PFKL: variants seen among roughly 807,000 people sequenced by gnomAD.
PFKL encodes the protein phosphofructokinase, liver type, also known as ATP-dependent 6-phosphofructokinase, liver type.
PFKL carries 74 observed loss-of-function variants against 92.1 expected under a neutral mutation model. The ratio of observed to expected loss-of-function variants is 0.80; its 90% CI spans 0.67 to 0.97. The LOEUF (loss-of-function observed/expected upper bound fraction) is 0.97. Among genes scored for constraint, PFKL ranks in the 50% least tolerant of loss-of-function variants. The probability of loss-of-function intolerance (pLI) is 0.00; values close to 1 mark genes in which losing one functional copy is unlikely to be tolerated. For synonymous variants in PFKL, 494 were observed against 456.4 expected, an observed-to-expected ratio of 1.08 and a Z score of -1.05; for missense variants, 1,028 against 1,116.6, an observed-to-expected ratio of 0.92 and a Z score of 1.13.
At chr21:44,316,396 T>C in intron 8 of PFKL, 36 bp from the exon 9 acceptor site, 1 of 1,611,888 alleles carries the variant, frequency 6.2e-7, no homozygotes, top group South Asian at 1.1e-5. Flanking sequence ...CCGTGTGGGC[T>C]GGGGCTCAGG....
At chr21:44,309,016 C>G (rs992936406) in intron 2 of PFKL, among the ~76,000 whole-genome samples, 2 of 152,120 alleles carry the variant, frequency 1.3e-5, no homozygotes, top group Non-Finnish European at 2.9e-5. Context: ...CTGTTCCTTT[C>G]TCCAGCAGCT....
chr21:44,303,115 T>C (rs1353687108), intron 1 of PFKL, among the ~76,000 whole-genome samples: 2 of 151,948 alleles, frequency 1.3e-5, no homozygotes, highest in Non-Finnish European at 2.9e-5. Context: ...GCATCTGTAA[T>C]CCCAGCTACT....
rs759200137 is a variant in PFKL, at chr21:44,318,464, C to A, written c.937-6C>A. On this transcript the variant is annotated splice_region_variant and splice_polypyrimidine_tract_variant and intron_variant, in intron 9 of 21. Coordinates refer to ENST00000349048, the MANE Select transcript of PFKL (RefSeq NM_002626.6). ...TGGGTGTGCCAGCCTGAACCCTTCCCCACAGAGCAGCAAGATGGGCATGGA... is the reference window on the plus strand; with the variant it reads ...TGGGTGTGCCAGCCTGAACCCTTCCACACAGAGCAGCAAGATGGGCATGGA... 2 of 1,529,090 alleles carry A rather than the reference C, an allele frequency of 1.3e-6. No individual in the cohort carries two copies. The highest frequency in any genetic ancestry group is 2.8e-5 in the African/African-American group (2 of 72,210). 94.7% of individuals were successfully genotyped at this position (1,529,090 alleles called of 1,614,324 possible).
chr21:44,303,525 G>A (rs1189915721), intron 1 of PFKL, among the ~76,000 whole-genome samples: 2 of 149,422 alleles, frequency 1.3e-5, no homozygotes, highest in African/African-American at 5.0e-5. Flanking sequence ...TGGGCCCTTT[G>A]TCTAGTGCCC....
At chr21:44,315,959 C>T (rs530071340) in intron 7 of PFKL, 20 of 465,612 alleles carry the variant, frequency 4.3e-5, no homozygotes, top group African/African-American at 2.4e-4. Context: ...TGTGTGTGTG[C>T]TGGGCCCAGC....
At chr21:44,319,992 T>G in intron 11 of PFKL, 92 bp from the exon 12 acceptor site, 1 of 1,188,374 alleles carries the variant, frequency 8.4e-7, no homozygotes, top group South Asian at 1.2e-5. Context: ...CGTGTGCCTG[T>G]GACCAGCCTC....
rs146678983 is a variant in PFKL, at chr21:44,304,207, T to C, written c.86-2474T>C. 8,476 of 1,287,882 alleles carry C rather than the reference T, an allele frequency of 6.6e-3. 34 individuals carry two copies. The highest frequency in any genetic ancestry group is 7.5e-3 in the Non-Finnish European group (7,398 of 988,092). The allele number at this position is 1,287,882 out of a possible 1,614,324, so 79.8% of individuals were successfully genotyped here. A position where few individuals can be genotyped will look rare whatever the true frequency, so the allele number is the denominator to read the frequency against. ...GCAGGTTTTATTTTGCAGAGCACCCTGAAGACATTTGGAAGTGAGGGGTAC... is the reference window on the plus strand; with the variant it reads ...GCAGGTTTTATTTTGCAGAGCACCCCGAAGACATTTGGAAGTGAGGGGTAC... On this transcript the variant is annotated intron_variant, in intron 1 of 21. Coordinates refer to ENST00000349048, the MANE Select transcript of PFKL (RefSeq NM_002626.6).
rs537448525 is a variant in PFKL at position 44,311,975 on chromosome 21, G to A, written c.238-130G>A. 68 of 670,848 alleles carry A rather than the reference G, an allele frequency of 1.0e-4. 1 individual carries two copies. The South Asian group carries it at 1.9e-3, about 19-fold the overall frequency. The allele number at this position is 670,848 out of a possible 1,614,324, so 41.6% of individuals were successfully genotyped here. A position where few individuals can be genotyped will look rare whatever the true frequency, so the allele number is the denominator to read the frequency against. On this transcript the variant is annotated intron_variant, in intron 3 of 21. Coordinates refer to ENST00000349048, the MANE Select transcript of PFKL (RefSeq NM_002626.6). The stretch of plus-strand genomic sequence containing the variant: ...GCCACCTCAGGTTTCCAGAGACCCC[G>A]GGGCTTCTGCCTCTCACTCTGCAGG...
chr21:44,316,648 C>G, intron 9 of PFKL, 124 bp downstream of exon 9: 1 of 713,454 alleles, frequency 1.4e-6, no homozygotes, highest in South Asian at 1.8e-5. Context: ...GGGTGAGTGT[C>G]CGTGTCTGTG....
chr21:44,313,626 C>G lies in PFKL; in HGVS notation c.594-12C>G. 6.2e-7 allele frequency: 1 copy of G among 1,610,584 alleles called. No individual in the cohort carries two copies. Among genetic ancestry groups the G allele is most frequent in the Non-Finnish European group, 8.5e-7 (1 of 1,178,984 alleles). On this transcript the variant is annotated splice_polypyrimidine_tract_variant and intron_variant, in intron 5 of 21. Transcript: ENST00000349048. ...GCTGGCACTGATGCATCCTCCTGTT[C>G]CATCTCCACAGCCACCAGAGGACCT...
chr21:44,319,340 TCTTC>T lies in PFKL; in HGVS notation c.1063-7_1063-4del, dbSNP rs759925929. The stretch of plus-strand genomic sequence containing the variant: ...CTCTCCATAGTCTGTGTTCTGTTTC[TCTTC>T]CTTAAGACCAAGGAAGTGCAGAAAG... On this transcript the variant is annotated splice_polypyrimidine_tract_variant and splice_region_variant and intron_variant, in intron 10 of 21. Transcript: ENST00000349048. 2.0e-5 allele frequency: 33 copies of T among 1,611,498 alleles called. No homozygotes were observed. The highest frequency in any genetic ancestry group is 1.6e-4 in the Middle Eastern group (1 of 6,078).
chr21:44,312,950 C>G (rs2047090076), intron 4 of PFKL, 28 bp from the exon 5 acceptor site: 1 of 1,609,494 alleles, frequency 6.2e-7, no homozygotes, highest in African/African-American at 1.3e-5. Context: ...GGAGCCTCAG[C>G]CAGGTCCTCC....
At chr21:44,306,045 C>G (rs1568943077) in intron 1 of PFKL, 6 of 976,462 alleles carry the variant, frequency 6.1e-6, no homozygotes, top group South Asian at 4.7e-5. Context: ...GGAGCCCAAG[C>G]CCCTTCCAGC....
chr21:44,324,585 T>C lies in PFKL; in HGVS notation c.1745T>C (p.Val582Ala). 2 of 1,612,922 alleles carry C rather than the reference T, an allele frequency of 1.2e-6. No individual in the cohort carries two copies. Among genetic ancestry groups the C allele is most frequent in the Non-Finnish European group, 1.7e-6 (2 of 1,179,726 alleles). ...MGGYCGYLAT[V>A]TGIAVGADAA... is the part of the protein sequence containing the mutation. ...GGTTACTGTGGCTACCTGGCCACCG[T>C]GACTGGCATTGCTGTGGGGGCCGAC... is the stretch of plus-strand genomic sequence containing the variant. The change falls in exon 17 of 22, where the codon GTG becomes GCG. Residue 582 changes from valine to alanine, a missense_variant. By Grantham distance (64) the Val-to-Ala change is moderately conservative (BLOSUM62 0). Transcript: ENST00000349048.
chr21:44,325,910 GGCCCAGGCA>G (rs1568974444), intron 19 of PFKL, 42 bp from the exon 20 acceptor site: 1 of 1,442,230 alleles, frequency 6.9e-7, no homozygotes, highest in Admixed American at 1.8e-5. Context: ...CGTTGGCCTT[GGCCCAGGCA>G]GCCCAGGGGA....
Position 44,312,308 on chromosome 21 carries a change from C to T in PFKL, c.427+14C>T, listed in dbSNP as rs376301926. On this transcript the variant is annotated intron_variant, in intron 4 of 21. Coordinates refer to ENST00000349048, the MANE Select transcript of PFKL (RefSeq NM_002626.6). ...TGGTGGCGGAAGGTGGGTCTGTGCC[C>T]GGCGCACTGTAGGCCCTGGGGTTTT... is the stretch of plus-strand genomic sequence containing the variant. The T allele has an allele frequency of 3.6e-5, 57 of 1,575,340 alleles. No individual in the cohort carries two copies. The highest frequency in any genetic ancestry group is 9.2e-5 in the Admixed American group (5 of 54,486).
At chr21:44,319,228 G>GC in intron 10 of PFKL, 123 bp from the exon 11 acceptor site, 2 of 792,672 alleles carry the variant, frequency 2.5e-6, no homozygotes, top group Non-Finnish European at 4.3e-6. Flanking sequence ...AGGCTGCCAG[G>GC]CCTGGGCCAG....
At chr21:44,313,194 G>A (rs752646704) in intron 5 of PFKL, 51 bp downstream of exon 5, 10 of 1,579,730 alleles carry the variant, frequency 6.3e-6, no homozygotes, top group South Asian at 2.2e-5. Flanking sequence ...CTCCCCGCAC[G>A]GTGGTGAGGT....
chr21:44,325,750 C>T, intron 19 of PFKL: 5 of 573,500 alleles, frequency 8.7e-6, no homozygotes, highest in East Asian at 2.9e-5. Flanking sequence ...GACTGCCGGC[C>T]TCGGGAGGCA....
Sources: gnomAD v4.1 joint callset for allele counts (sites outside exome capture counted in the v4.1 genomes callset) on GRCh38, gnomAD v4.1.1 for gene constraint, MANE v1.5 for transcripts, NCBI Gene and HGNC (gene_info 2026-07-23, HGNC 2026-07-21) for gene names.